The following SMCO2 variants were observed in gnomAD, a reference collection of about 807,000 sequenced individuals.
SMCO2 encodes the protein single-pass membrane protein with coiled-coil domains 2.
SMCO2 carries 25 observed loss-of-function variants against 29.5 expected under a neutral mutation model. The observed-to-expected ratio is 0.85, with a 90% CI of 0.62 to 1.18. The LOEUF is 1.18. SMCO2 is among the 50% of genes most tolerant of loss of function. The probability of loss-of-function intolerance (pLI) is 0.00; values close to 1 mark genes in which losing one functional copy is unlikely to be tolerated. For missense variants in SMCO2, 348 were observed against 344.5 expected (o/e 1.01, Z -0.08); for synonymous variants, 117 against 123.3 (o/e 0.95, Z 0.34).
chr12:27,441,202 T>C, the SMCO2 span, among the ~76,000 whole-genome samples: 4 of 152,152 alleles, frequency 2.6e-5, no homozygotes, highest in African/African-American at 9.7e-5. Flanking sequence ...AAGGCTGCAG[T>C]GAGCCATGGT....
At chr12:27,446,138 G>A in the SMCO2 span, among the ~76,000 whole-genome samples, 1 of 151,896 alleles carries the variant, frequency 6.6e-6, no homozygotes, top group East Asian at 1.9e-4. Context: ...TCCTGACCTC[G>A]TAATCCACCC....
chr12:27,433,162 G>A, the SMCO2 span, among the ~76,000 whole-genome samples: 1 of 151,938 alleles, frequency 6.6e-6, no homozygotes, highest in African/African-American at 2.4e-5. Context: ...AAACATACAC[G>A]TACACACATA....
the SMCO2 span, among the ~76,000 whole-genome samples, chr12:27,457,989 C>T: frequency 6.6e-6 from 1 of 152,296 alleles, no homozygotes; most frequent in East Asian, 1.9e-4. Flanking sequence ...CACATATTTG[C>T]AGCTTCCTCA....
the SMCO2 span, among the ~76,000 whole-genome samples, chr12:27,454,876 T>TC: frequency 6.7e-6 from 1 of 150,288 alleles, no homozygotes; most frequent in African/African-American, 2.5e-5. Context: ...GCTTCTAGCT[T>TC]CATCTATGTC....
At chr12:27,461,534 G>A in the SMCO2 span, among the ~76,000 whole-genome samples, 7 of 152,248 alleles carry the variant, frequency 4.6e-5, no homozygotes, top group East Asian at 1.9e-4. Context: ...GTGTTAGTTC[G>A]CTTAGGGTAA....
intron 4 of SMCO2, 71 bp downstream of exon 5, chr12:27,475,802 T>C: frequency 7.4e-7 from 1 of 1,351,236 alleles, no homozygotes. Flanking sequence ...TTAAGAAACT[T>C]TGGGCTTAAG....
At chr12:27,452,466 C>T in the SMCO2 span, among the ~76,000 whole-genome samples, 5 of 152,302 alleles carry the variant, frequency 3.3e-5, no homozygotes, top group Admixed American at 3.3e-4. Context: ...GTGAATAGTG[C>T]TGCAATAAAC....
the SMCO2 span, among the ~76,000 whole-genome samples, chr12:27,428,099 T>G: frequency 3.9e-5 from 6 of 151,930 alleles, no homozygotes; most frequent in African/African-American, 1.2e-4. Flanking sequence ...AACACCAATG[T>G]TAGGTTTTAC....
At chr12:27,426,471 C>G in the SMCO2 span, among the ~76,000 whole-genome samples, 3 of 152,246 alleles carry the variant, frequency 2.0e-5, no homozygotes, top group Admixed American at 2.0e-4. Flanking sequence ...GCTTTTGAGC[C>G]TCAGTTTCTT....
chr12:27,446,987 A>G, the SMCO2 span, among the ~76,000 whole-genome samples: 1 of 152,174 alleles, frequency 6.6e-6, no homozygotes, highest in African/African-American at 2.4e-5. Flanking sequence ...TTGGCATTTT[A>G]TAAAGTTCCC....
At chr12:27,465,295 G>A (rs1164815260), upstream of SMCO2, among the ~76,000 whole-genome samples, 1 of 152,174 alleles carries the variant, frequency 6.6e-6, no homozygotes, top group African/African-American at 2.4e-5. Context: ...CACTCAGCAA[G>A]TAGTAGCTAT....
chr12:27,494,357 G>T lies in SMCO2; in HGVS notation c.507+1G>T, dbSNP rs1942970051. On this transcript the variant is annotated splice_donor_variant, in intron 6 of 7. Coordinates refer to ENST00000298876, the Ensembl canonical transcript of SMCO2. LOFTEE classifies it high-confidence loss of function. ...GAAGAAAGTCATAGAAAGGCTGGAG[G>T]TAAGATTTCAGTTACACAATTCAAA... The T allele has an allele frequency of 2.0e-6, 3 of 1,520,556 alleles. No individual in the cohort carries two copies. The African/African-American group carries it at 4.2e-5, about 21-fold the overall frequency. 94.2% of individuals were successfully genotyped at this position (1,520,556 alleles called of 1,614,324 possible). A position where few individuals can be genotyped will look rare whatever the true frequency, so the allele number is the denominator to read the frequency against.
chr12:27,469,221 G>C (rs920832471), intron 1 of SMCO2, among the ~76,000 whole-genome samples: 5 of 152,132 alleles, frequency 3.3e-5, no homozygotes, highest in Non-Finnish European at 1.5e-5. Context: ...GTCCAGATAG[G>C]GGCTGTGATG....
intron 4 of SMCO2, among the ~76,000 whole-genome samples, chr12:27,477,851 C>T (rs1416734803): frequency 2.0e-5 from 3 of 151,910 alleles, no homozygotes; most frequent in Middle Eastern, 3.2e-3. Flanking sequence ...TCTTATATCT[C>T]ACTGATTTTC....
the SMCO2 span, among the ~76,000 whole-genome samples, chr12:27,440,120 T>C: frequency 7.7e-3 from 1,173 of 152,256 alleles, 4 homozygotes; most frequent in Non-Finnish European, 0.012. Flanking sequence ...GCAAATAATA[T>C]ATTAAAAAGC....
chr12:27,482,462 G>A (rs543228704), intron 4 of SMCO2, among the ~76,000 whole-genome samples: 19 of 152,182 alleles, frequency 1.2e-4, no homozygotes, highest in African/African-American at 4.3e-4. Context: ...CACCATGCCT[G>A]GCTAATTTTT....
chr12:27,500,817 G>A (rs1283635589), intron 7 of SMCO2, among the ~76,000 whole-genome samples: 1 of 150,538 alleles, frequency 6.6e-6, no homozygotes, highest in African/African-American at 2.5e-5. Context: ...ACTGCCAAGT[G>A]ATAGCCAGTG....
At chr12:27,462,263 C>T (rs1453777265), upstream of SMCO2, among the ~76,000 whole-genome samples, 4 of 152,140 alleles carry the variant, frequency 2.6e-5, no homozygotes, top group Non-Finnish European at 5.9e-5. Flanking sequence ...TAGAGTCTAA[C>T]GGGAGAGTTT....
chr12:27,454,455 T>C, the SMCO2 span, among the ~76,000 whole-genome samples: 111,301 of 152,080 alleles, frequency 0.73, 41,345 homozygotes, highest in Middle Eastern at 0.89. Context: ...TGATAATGGG[T>C]GATAGGGTTG....
Sources: allele counts gnomAD v4.1 joint callset (sites outside exome capture counted in the v4.1 genomes callset), GRCh38; gene constraint gnomAD v4.1.1; transcripts MANE v1.5; gene names NCBI Gene and HGNC (gene_info 2026-07-23, HGNC 2026-07-21).